ABCA13: variants seen among roughly 807,000 people sequenced by gnomAD.
The protein encoded by ABCA13 is ATP-binding cassette sub-family A member 13.
A neutral mutation model predicts 478.7 loss-of-function variants in ABCA13; 476 were observed. The ratio of observed to expected loss-of-function variants is 0.99; its 90% confidence interval spans 0.92 to 1.07. ABCA13 has a LOEUF of 1.07. Ranked by LOEUF, ABCA13 falls within the 50% of genes least tolerant of loss-of-function variation. The probability of loss-of-function intolerance (pLI) is 0.00; values close to 1 mark genes in which losing one functional copy is unlikely to be tolerated. For missense variants in ABCA13, 6,060 were observed against 5,910.6 expected (o/e 1.03, Z -0.83); for synonymous variants, 2,252 against 2,158.9 (o/e 1.04, Z -1.20).
At chr7:48,213,430 A>G (rs1785977587) in intron 3 of ABCA13, among the ~76,000 whole-genome samples, 1 of 152,236 alleles carries the variant, frequency 6.6e-6, no homozygotes, top group Admixed American at 6.5e-5. Context: ...TAAATAAAGG[A>G]ACACTTTATA....
At chr7:48,519,286 T>C (rs904871548) in intron 52 of ABCA13, among the ~76,000 whole-genome samples, 1 of 152,206 alleles carries the variant, frequency 6.6e-6, no homozygotes, top group Admixed American at 6.5e-5. Context: ...ATCTTTGGAA[T>C]AGAATGATTT....
At chr7:48,511,719 T>G (rs1254938224) in intron 51 of ABCA13, among the ~76,000 whole-genome samples, 3 of 152,214 alleles carry the variant, frequency 2.0e-5, no homozygotes, top group Non-Finnish European at 2.9e-5. Flanking sequence ...GGATCATTGC[T>G]AGTGGCCTCA....
intron 55 of ABCA13, among the ~76,000 whole-genome samples, chr7:48,529,760 A>G (rs1200173069): frequency 1.4e-5 from 2 of 146,644 alleles, no homozygotes; most frequent in East Asian, 2.1e-4. Flanking sequence ...ACATTTGACA[A>G]TCTCTTTTTT....
intron 27 of ABCA13, among the ~76,000 whole-genome samples, chr7:48,333,694 T>C (rs1486739817): frequency 6.6e-6 from 1 of 152,208 alleles, no homozygotes. Context: ...TGGGACTCCC[T>C]GATGCTGCAG....
Position 48,537,484 on chromosome 7 carries a change from C to T in ABCA13, c.14354+9139C>T, listed in dbSNP as rs188853939. Among the ~76,000 whole-genome samples, 375 of 152,234 alleles carry T rather than the reference C, an allele frequency of 2.5e-3. 2 individuals are homozygous for T. Among genetic ancestry groups the T allele is most frequent in the African/African-American group, 8.2e-3 (340 of 41,542 alleles). On this transcript the variant is annotated intron_variant, in intron 55 of 61. Transcript: ENST00000435803. The stretch of plus-strand genomic sequence containing the variant: ...ATGCATCTCACGGATGGAGCAATGG[C>T]GAGAGCACACCTGAACAAGGGAGGG...
intron 56 of ABCA13, among the ~76,000 whole-genome samples, chr7:48,583,671 G>A (rs868747543): frequency 1.3e-5 from 2 of 152,192 alleles, no homozygotes; most frequent in South Asian, 4.1e-4. Context: ...ACAATTTCTA[G>A]AGCTTCATGA....
intron 55 of ABCA13, among the ~76,000 whole-genome samples, chr7:48,570,332 T>C (rs1787497365): frequency 7.2e-6 from 1 of 139,316 alleles, no homozygotes; most frequent in South Asian, 2.4e-4. Flanking sequence ...TTTTTTTTTT[T>C]TTTTTTTTTT....
chr7:48,339,291 T>G (rs1411293383), intron 29 of ABCA13, among the ~76,000 whole-genome samples: 1 of 152,244 alleles, frequency 6.6e-6, no homozygotes, highest in Non-Finnish European at 1.5e-5. Flanking sequence ...AATATTTTAC[T>G]TCAGAAAGGT....
intron 15 of ABCA13, among the ~76,000 whole-genome samples, chr7:48,257,480 T>C (rs77186653): frequency 6.6e-6 from 1 of 152,152 alleles, no homozygotes; most frequent in African/African-American, 2.4e-5. Flanking sequence ...TGTTCCTTCA[T>C]TGCCTAGTTT....
At chr7:48,322,219 T>A (rs1163301261) in intron 27 of ABCA13, among the ~76,000 whole-genome samples, 1 of 152,218 alleles carries the variant, frequency 6.6e-6, no homozygotes, top group Non-Finnish European at 1.5e-5. Context: ...AGCCCTACGT[T>A]GGGAACCTGG....
chr7:48,488,231 G>C, intron 47 of ABCA13, among the ~76,000 whole-genome samples: 1 of 150,560 alleles, frequency 6.6e-6, no homozygotes, highest in Non-Finnish European at 1.5e-5. Flanking sequence ...GTGTAGTAGG[G>C]TTTTGTTTTT....
intron 55 of ABCA13, among the ~76,000 whole-genome samples, chr7:48,564,934 G>A (rs1245329467): frequency 2.0e-5 from 3 of 152,024 alleles, no homozygotes; most frequent in East Asian, 3.9e-4. Context: ...CACTAACTTT[G>A]TGGAAGAATT....
intron 57 of ABCA13, among the ~76,000 whole-genome samples, chr7:48,590,272 TACACACAC>T (rs3031438): frequency 1.3e-5 from 2 of 149,142 alleles, no homozygotes; most frequent in African/African-American, 2.5e-5. Flanking sequence ...AATATTTCAT[TACACACAC>T]ACACACACAC....
chr7:48,248,445 G>A lies in ABCA13; in HGVS notation c.1865+1G>A, dbSNP rs1792032042. On this transcript the variant is annotated splice_donor_variant, in intron 14 of 61. Coordinates refer to ENST00000435803, the MANE Select transcript of ABCA13 (RefSeq NM_152701.5). LOFTEE classifies it high-confidence loss of function. ...GTAAGCACCAGCTTGTCTCCACAGT[G>A]TAAGTACATGTTTGGTGGGAAACTT... 6.3e-7 allele frequency: 1 copy of A among 1,577,778 alleles called. No individual in the cohort carries two copies. The highest frequency in any genetic ancestry group is 8.6e-7 in the Non-Finnish European group (1 of 1,162,080).
In ABCA13 at chr7:48,298,384, T is replaced by C. The variant is rs769009488; in HGVS notation, c.9218T>C (p.Leu3073Ser). The change falls in exon 23 of 62, where the codon TTG becomes TCG. Residue 3073 changes from leucine (L) to serine (S), a missense_variant. Physicochemically the swap from Leu to Ser is moderately radical, Grantham distance 145. Around this residue, in one of 3 missense-constraint regions of ABCA13, gnomAD observed 4,423 missense variants for 4,309.1 expected, o/e 1.03. Transcript: ENST00000435803. Reference protein sequence around the residue: ...TVTEDVKIKDLMKNITKLTEE... With the variant: ...TVTEDVKIKDSMKNITKLTEE... ...TTTGCAGATGTAAAAATAAAAGATT[T>C]GATGAAGAATATCACCAAGTTGACT... The C allele has an allele frequency of 1.2e-6, 2 of 1,610,156 alleles. No homozygotes were observed. Among genetic ancestry groups the C allele is most frequent in the South Asian group, 2.2e-5 (2 of 90,260 alleles).
chr7:48,250,178 T>C (rs770991875), intron 15 of ABCA13, among the ~76,000 whole-genome samples: 1 of 152,292 alleles, frequency 6.6e-6, no homozygotes, highest in East Asian at 1.9e-4. Context: ...GGGTGAGGTA[T>C]GTGGGGGCAT....
At chr7:48,476,803 A>G (rs1828144017) in intron 45 of ABCA13, among the ~76,000 whole-genome samples, 1 of 152,180 alleles carries the variant, frequency 6.6e-6, no homozygotes, top group Non-Finnish European at 1.5e-5. Flanking sequence ...CTTAACAAGC[A>G]TCTAGGTAAA....
intron 39 of ABCA13, among the ~76,000 whole-genome samples, chr7:48,408,488 T>A (rs937237486): frequency 6.6e-6 from 1 of 152,190 alleles, no homozygotes; most frequent in African/African-American, 2.4e-5. Context: ...GACAGGGACA[T>A]ACATGTGCAA....
At chr7:48,246,844 A>G (rs1791771485) in intron 13 of ABCA13, among the ~76,000 whole-genome samples, 1 of 152,220 alleles carries the variant, frequency 6.6e-6, no homozygotes, top group Non-Finnish European at 1.5e-5. Context: ...GGAGCTCAGC[A>G]TCTAGGAGTC....
Sources: allele counts gnomAD v4.1 joint callset (sites outside exome capture counted in the v4.1 genomes callset), GRCh38; gene constraint gnomAD v4.1.1; regional missense constraint gnomAD v4.1.1; transcripts MANE v1.5; gene names NCBI Gene and HGNC (gene_info 2026-07-23, HGNC 2026-07-21).